TRPC6: variants seen among roughly 807,000 people sequenced by gnomAD.
TRPC6 encodes short transient receptor potential channel 6.
A neutral mutation model predicts 90.7 loss-of-function variants in TRPC6; 55 were observed. That is an observed-to-expected ratio of 0.61 (90% CI 0.49 to 0.76). The LOEUF is 0.76. Among genes scored for constraint, TRPC6 ranks in the 30% least tolerant of loss-of-function variants. TRPC6 has a pLI of 0.00. For missense variants in TRPC6, 989 were observed against 1,122.7 expected (o/e 0.88, Z 1.70); for synonymous variants, 393 against 393.0 (o/e 1.00, Z 0.00).
chr11:101,465,376 G>A (rs189978635), intron 10 of TRPC6, among the ~76,000 whole-genome samples: 45 of 152,312 alleles, frequency 3.0e-4, no homozygotes, highest in Middle Eastern at 3.4e-3. Flanking sequence ...ATATCCTGAA[G>A]AGTGTCTTCC....
chr11:101,501,004 CA>C (rs1304606050), intron 2 of TRPC6, among the ~76,000 whole-genome samples: 1 of 151,844 alleles, frequency 6.6e-6, no homozygotes, highest in Non-Finnish European at 1.5e-5. Flanking sequence ...TCACAGAAGA[CA>C]AAAAATAGGT....
intron 5 of TRPC6, among the ~76,000 whole-genome samples, chr11:101,477,062 C>T (rs1040848403): frequency 6.6e-5 from 10 of 151,972 alleles, no homozygotes; most frequent in African/African-American, 1.2e-4. Flanking sequence ...TGTCTCCCCC[C>T]GGCTGCTCTC....
chr11:101,489,183 A>G (rs796828236), intron 3 of TRPC6, 82 bp from the exon 4 acceptor site: 2 of 1,229,292 alleles, frequency 1.6e-6, no homozygotes, highest in East Asian at 2.4e-5. Context: ...TAATAGTTCC[A>G]TGCTTTCCAA....
intron 1 of TRPC6, among the ~76,000 whole-genome samples, chr11:101,536,976 T>C (rs1267739322): frequency 6.6e-6 from 1 of 152,092 alleles, no homozygotes; most frequent in Non-Finnish European, 1.5e-5. Flanking sequence ...CTTGGAAAGG[T>C]AGAATTGATA....
chr11:101,568,420 C>G (rs1033623530), intron 1 of TRPC6, among the ~76,000 whole-genome samples: 3 of 152,142 alleles, frequency 2.0e-5, no homozygotes. Flanking sequence ...AAGAATGGAA[C>G]CAAGTTGGAA....
rs1338868464 is a variant in TRPC6, at chr11:101,558,306, CATGTATAT to C, written c.170+25020_170+25027del. 1.3e-3 allele frequency among the ~76,000 whole-genome samples: 121 copies of C among 91,208 alleles called. 25 individuals carry two copies. The highest frequency in any genetic ancestry group is 3.6e-3 in the African/African-American group (101 of 28,060). 59.8% of individuals were successfully genotyped at this position (91,208 alleles called of 152,430 possible). A position where few individuals can be genotyped will look rare whatever the true frequency, so the allele number is the denominator to read the frequency against. On this transcript the variant is annotated intron_variant, in intron 1 of 12. Coordinates refer to ENST00000344327, the MANE Select transcript of TRPC6 (RefSeq NM_004621.6). ...ATATGTATACATGTATATGGGTATA[CATGTATAT>C]ATGTATACATGTATATGGGTATACA... is the stretch of plus-strand genomic sequence containing the variant.
chr11:101,455,158 G>T, intron 10 of TRPC6, 57 bp from the exon 11 acceptor site: 2 of 1,398,700 alleles, frequency 1.4e-6, no homozygotes, highest in South Asian at 1.2e-5. Flanking sequence ...TTTAAATAAA[G>T]TAGTGAGATT....
chr11:101,557,618 C>CCA (rs77899038), intron 1 of TRPC6, among the ~76,000 whole-genome samples: 1,278 of 81,182 alleles, frequency 0.016, 14 homozygotes, highest in African/African-American at 0.053. Flanking sequence ...TCTACTAATT[C>CCA]CACACACACA....
intron 4 of TRPC6, among the ~76,000 whole-genome samples, chr11:101,488,079 G>C (rs1372713651): frequency 2.0e-5 from 3 of 152,150 alleles, no homozygotes; most frequent in African/African-American, 7.2e-5. Flanking sequence ...TTTCTACATA[G>C]CACATTAATA....
intron 9 of TRPC6, 117 bp downstream of exon 9, chr11:101,471,066 A>G: frequency 1.1e-6 from 1 of 944,770 alleles, no homozygotes; most frequent in Non-Finnish European, 1.7e-6. Flanking sequence ...AAGTGACTGC[A>G]TATGGGAATG....
intron 1 of TRPC6, among the ~76,000 whole-genome samples, chr11:101,561,207 T>C (rs1861704578): frequency 6.6e-6 from 1 of 152,156 alleles, no homozygotes; most frequent in South Asian, 2.1e-4. Flanking sequence ...GGACTTTTCC[T>C]CCTACACTAA....
intron 1 of TRPC6, among the ~76,000 whole-genome samples, chr11:101,531,447 CT>C (rs1185272190): frequency 2.0e-5 from 3 of 152,172 alleles, no homozygotes; most frequent in African/African-American, 7.2e-5. Context: ...TGCCTTTTAT[CT>C]TGGTAGGCAT....
chr11:101,546,679 T>C (rs1353805810), intron 1 of TRPC6, among the ~76,000 whole-genome samples: 3 of 152,208 alleles, frequency 2.0e-5, no homozygotes, highest in African/African-American at 7.2e-5. Context: ...GCAACTATCA[T>C]ATCATTTGGG....
intron 1 of TRPC6, among the ~76,000 whole-genome samples, chr11:101,509,806 T>C (rs576918329): frequency 1.3e-5 from 2 of 152,236 alleles, no homozygotes; most frequent in Admixed American, 6.5e-5. Flanking sequence ...TTTAGATACA[T>C]TTTTATAAAA....
At position 101,451,842 on chromosome 11, in the gene TRPC6, T is replaced by G. The variant is rs1174422117; in HGVS notation, c.*1113A>C. 6.6e-6 allele frequency: 1 copy of G among 152,222 alleles called. No homozygotes were observed. The highest frequency in any genetic ancestry group is 1.9e-4 in the East Asian group (1 of 5,196). 9.4% of individuals were successfully genotyped at this position (152,222 alleles called of 1,614,324 possible). On this transcript the variant is annotated 3_prime_UTR_variant, in exon 13 of 13. Transcript: ENST00000344327. ...GCATCCTCTGAATGCCAATGGTCTT[T>G]GAGTAAACATATGAACCTTCATCGC...
At chr11:101,561,520 A>G (rs948897144) in intron 1 of TRPC6, among the ~76,000 whole-genome samples, 4 of 152,148 alleles carry the variant, frequency 2.6e-5, no homozygotes, top group Admixed American at 1.3e-4. Context: ...AGTGGTTCTC[A>G]TCCTTTATAT....
chr11:101,571,716 C>T (rs934138115), intron 1 of TRPC6, among the ~76,000 whole-genome samples: 4 of 152,284 alleles, frequency 2.6e-5, no homozygotes, highest in Non-Finnish European at 4.4e-5. Context: ...AATAGCACCA[C>T]ACATCTACAA....
chr11:101,508,925 A>T (rs915147101), intron 1 of TRPC6, among the ~76,000 whole-genome samples: 9 of 152,114 alleles, frequency 5.9e-5, no homozygotes, highest in African/African-American at 2.2e-4. Context: ...CTACTTTCAG[A>T]GGTAATTGAA....
Position 101,473,547 on chromosome 11 carries a change from G to A in TRPC6, c.1971C>T (p.Ser657=). 6.2e-7 allele frequency: 1 copy of A among 1,613,526 alleles called. No homozygotes were observed. The highest frequency in any genetic ancestry group is 8.5e-7 in the Non-Finnish European group (1 of 1,179,682). ...AFMIGMFNLY[S]YYIGAKQNEA... is the part of the protein sequence containing the mutation. ...CATTTTGTTTTGCACCAATGTAGTA[G>A]GAGTAGAGATTGAACATTCCAATCA... Residue 657 remains serine (S), a synonymous_variant, in exon 7 of 13, where the codon TCC becomes TCT. Coordinates refer to ENST00000344327, the MANE Select transcript of TRPC6 (RefSeq NM_004621.6).
Sources: gnomAD v4.1 joint callset for allele counts (sites outside exome capture counted in the v4.1 genomes callset) on GRCh38, gnomAD v4.1.1 for gene constraint, MANE v1.5 for transcripts, NCBI Gene and HGNC (gene_info 2026-07-23, HGNC 2026-07-21) for gene names.